FTO: variants seen among roughly 807,000 people sequenced by gnomAD.
FTO encodes the protein alpha-ketoglutarate-dependent dioxygenase FTO.
In FTO, 47 loss-of-function variants were observed where a neutral mutation model predicts 63.9. The ratio of observed to expected loss-of-function variants is 0.74; its 90% CI spans 0.58 to 0.94. The LOEUF (loss-of-function observed/expected upper bound fraction) is 0.94, where lower values mean the gene tolerates loss of function less well. FTO is among the 40% of genes least tolerant of loss of function. The probability of loss-of-function intolerance (pLI) is 0.00; values close to 1 mark genes in which losing one functional copy is unlikely to be tolerated. For missense variants in FTO, 562 were observed against 618.1 expected (o/e 0.91, Z 0.96); for synonymous variants, 207 against 224.4 (o/e 0.92, Z 0.69).
chr16:54,037,055 G>GTTACC (rs2084956579), intron 8 of FTO, among the ~76,000 whole-genome samples: 1 of 152,298 alleles, frequency 6.6e-6, no homozygotes, highest in South Asian at 2.1e-4. Context: ...CAAAAAGATG[G>GTTACC]TTACCAATGG....
chr16:53,946,615 G>GA (rs1223742325), intron 8 of FTO, among the ~76,000 whole-genome samples: 1 of 151,926 alleles, frequency 6.6e-6, no homozygotes, highest in Admixed American at 6.6e-5. Context: ...GCTGTTTACT[G>GA]AAAAAATGAA....
chr16:53,941,981 C>T (rs1228727725), intron 8 of FTO, among the ~76,000 whole-genome samples: 1 of 152,238 alleles, frequency 6.6e-6, no homozygotes, highest in Non-Finnish European at 1.5e-5. Flanking sequence ...ATGCCTGACA[C>T]TCAGATTTGT....
upstream of FTO, chr16:53,704,014 T>C (rs1358939999): frequency 2.5e-5 from 18 of 728,156 alleles, no homozygotes; most frequent in Non-Finnish European, 3.4e-5. Flanking sequence ...CTAAATCCCG[T>C]GGCGCTCGCG....
rs193260938 is a variant in FTO, at chr16:53,951,079, G to A, written c.1364+16970G>A. 2.5e-3 allele frequency among the ~76,000 whole-genome samples: 385 copies of A among 152,268 alleles called. 1 individual carries two copies. The highest frequency in any genetic ancestry group is 8.9e-3 in the African/African-American group (368 of 41,552). ...CTGTAAAGTTGTTAGCTTGTTTTTCGTAAGTAATTAATCTTTTCTTATACC... is the reference window on the plus strand; with the variant it reads ...CTGTAAAGTTGTTAGCTTGTTTTTCATAAGTAATTAATCTTTTCTTATACC... On this transcript the variant is annotated intron_variant, in intron 8 of 8. Transcript: ENST00000471389.
intron 1 of FTO, among the ~76,000 whole-genome samples, chr16:53,773,622 G>T (rs2077394372): frequency 6.6e-6 from 1 of 152,162 alleles, no homozygotes. Flanking sequence ...GTGATGGATT[G>T]TACATTCTGT....
intron 1 of FTO, among the ~76,000 whole-genome samples, chr16:53,791,443 C>G (rs909307704): frequency 6.6e-6 from 1 of 152,142 alleles, no homozygotes; most frequent in Non-Finnish European, 1.5e-5. Context: ...TAAAGAGATA[C>G]CTATACACCT....
intron 8 of FTO, among the ~76,000 whole-genome samples, chr16:54,060,834 C>G (rs2085552767): frequency 6.6e-6 from 1 of 152,208 alleles, no homozygotes; most frequent in Non-Finnish European, 1.5e-5. Context: ...TTCATATTTA[C>G]TTTCTATTCA....
chr16:53,874,458 A>G lies in FTO; in HGVS notation c.975+593A>G, dbSNP rs536911448. On this transcript the variant is annotated intron_variant, in intron 5 of 8. Transcript: ENST00000471389. Reference sequence around the variant, plus strand: ...GAAAACTAAGAAATGAGAAAAACTCATATTAGTCATGTTGGGGTCCCATGT... The same window carrying G: ...GAAAACTAAGAAATGAGAAAAACTCGTATTAGTCATGTTGGGGTCCCATGT... Among the ~76,000 whole-genome samples the G allele has an allele frequency of 7.2e-5, 11 of 152,318 alleles. 1 individual carries two copies. In the South Asian group the frequency reaches 2.3e-3, roughly 32 times the overall value.
At chr16:53,996,071 G>A (rs1259124217) in intron 8 of FTO, among the ~76,000 whole-genome samples, 3 of 152,214 alleles carry the variant, frequency 2.0e-5, no homozygotes, top group South Asian at 2.1e-4. Flanking sequence ...CAGCCACCAC[G>A]AGGTGACAGG....
intron 8 of FTO, among the ~76,000 whole-genome samples, chr16:53,973,489 C>A (rs1384755100): frequency 6.6e-6 from 1 of 152,158 alleles, no homozygotes; most frequent in Non-Finnish European, 1.5e-5. Context: ...ATAATGATAT[C>A]TTGGCATTTT....
rs891318310 is a variant in FTO at position 53,745,327 on chromosome 16, G to A, written c.45+41098G>A. Among the ~76,000 whole-genome samples, 14 of 152,112 alleles carry A rather than the reference G, an allele frequency of 9.2e-5. No individual in the cohort carries two copies. In the East Asian group the frequency reaches 2.5e-3, roughly 27 times the overall value. On this transcript the variant is annotated intron_variant, in intron 1 of 8. Transcript: ENST00000471389. ...TTTGTCAGTGTCCTTGGGGCATTGC[G>A]AGCCAAAGCCCAACTTGGCTACCCA...
intron 3 of FTO, among the ~76,000 whole-genome samples, chr16:53,838,780 A>C (rs1162641374): frequency 1.3e-5 from 2 of 152,094 alleles, no homozygotes; most frequent in East Asian, 1.9e-4. Flanking sequence ...TGGAGGTTGC[A>C]GTGAGCCAAG....
intron 1 of FTO, among the ~76,000 whole-genome samples, chr16:53,806,283 G>T (rs568531570): frequency 1.3e-5 from 2 of 152,314 alleles, no homozygotes; most frequent in South Asian, 4.1e-4. Flanking sequence ...TGAGGAATTA[G>T]TAGGTTAGAT....
chr16:54,025,830 T>A (rs1210224295), intron 8 of FTO, among the ~76,000 whole-genome samples: 2 of 152,212 alleles, frequency 1.3e-5, no homozygotes, highest in African/African-American at 4.8e-5. Context: ...CTGGCCACCA[T>A]GGTGAAACCC....
chr16:53,863,356 C>T (rs1228416556), intron 4 of FTO, among the ~76,000 whole-genome samples: 3 of 152,162 alleles, frequency 2.0e-5, no homozygotes, highest in African/African-American at 7.2e-5. Context: ...AGGCAAGTAG[C>T]TGAGATTGGT....
At chr16:53,934,956 C>T (rs540797761) in intron 8 of FTO, among the ~76,000 whole-genome samples, 11 of 152,248 alleles carry the variant, frequency 7.2e-5, no homozygotes, top group African/African-American at 2.2e-4. Context: ...TGCTTAGAAA[C>T]GGTGTTACTG....
At chr16:53,991,437 G>GTGT (rs1249900897) in intron 8 of FTO, 1 of 152,138 alleles carries the variant, frequency 6.6e-6, no homozygotes, top group East Asian at 1.9e-4. Context: ...GTATCAGATC[G>GTGT]TGTTTCACCA....
intron 1 of FTO, among the ~76,000 whole-genome samples, chr16:53,710,328 C>A (rs867783390): frequency 2.0e-5 from 3 of 148,204 alleles, no homozygotes; most frequent in Middle Eastern, 3.5e-3. Context: ...TGCAGTGGCG[C>A]GATCTCAGCT....
At chr16:53,752,979 G>C (rs2076834772) in intron 1 of FTO, among the ~76,000 whole-genome samples, 1 of 151,428 alleles carries the variant, frequency 6.6e-6, no homozygotes, top group African/African-American at 2.4e-5. Flanking sequence ...CAGGGTTAGG[G>C]ATAGGAATAG....
Sources: gnomAD v4.1 joint callset for allele counts (sites outside exome capture counted in the v4.1 genomes callset) on GRCh38, gnomAD v4.1.1 for gene constraint, MANE v1.5 for transcripts, NCBI Gene and HGNC (gene_info 2026-07-23, HGNC 2026-07-21) for gene names.